BANP: variants seen among roughly 807,000 people sequenced by gnomAD.
BANP encodes the protein protein BANP.
A neutral mutation model predicts 68.1 loss-of-function variants in BANP; 11 were observed. The ratio of observed to expected loss-of-function variants is 0.16; its 90% CI spans 0.10 to 0.27. BANP has a LOEUF of 0.27. Ranked by LOEUF, BANP falls within the 10% of genes least tolerant of loss-of-function variation. The pLI, the probability that BANP is intolerant of heterozygous loss-of-function variation, is 1.00. For synonymous variants in BANP, 329 were observed against 303.2 expected, an observed-to-expected ratio of 1.09 and a Z score of -0.88; for missense variants, 504 against 722.7, an observed-to-expected ratio of 0.70 and a Z score of 3.47.
intron 1 of BANP, among the ~76,000 whole-genome samples, chr16:87,954,144 C>T (rs1266338309): frequency 1.3e-5 from 2 of 152,142 alleles, no homozygotes; most frequent in Non-Finnish European, 2.9e-5. Context: ...GATGGACGTT[C>T]TAGGTGGAGC....
chr16:88,033,290 G>A (rs1468312154), intron 9 of BANP, 45 bp downstream of exon 9: 2 of 1,488,332 alleles, frequency 1.3e-6, no homozygotes, highest in Admixed American at 4.2e-5. Context: ...GGGGCTGCGG[G>A]GTGGGCCACG....
At chr16:88,013,225 C>T (rs1349550814) in intron 6 of BANP, among the ~76,000 whole-genome samples, 1 of 152,278 alleles carries the variant, frequency 6.6e-6, no homozygotes, top group Non-Finnish European at 1.5e-5. Context: ...CTGGAGACGT[C>T]TGAGCGCCTC....
chr16:88,029,262 A>C (rs186662630), intron 8 of BANP, among the ~76,000 whole-genome samples: 1 of 137,666 alleles, frequency 7.3e-6, no homozygotes, highest in Admixed American at 8.1e-5. Flanking sequence ...AGCTGAGACT[A>C]TGCCACCACA....
intron 2 of BANP, among the ~76,000 whole-genome samples, chr16:87,977,336 G>C (rs1215737398): frequency 2.0e-5 from 3 of 151,968 alleles, no homozygotes; most frequent in Non-Finnish European, 4.4e-5. Context: ...GGAGAATGGC[G>C]TGAACCCGGG....
Position 88,059,191 on chromosome 16 carries a change from A to G in BANP, c.1312-6076A>G, listed in dbSNP as rs987379377. 4.8e-5 allele frequency among the ~76,000 whole-genome samples: 6 copies of G among 125,772 alleles called. No homozygotes were observed. The South Asian group carries it at 8.8e-4, about 18-fold the overall frequency. 82.5% of individuals were successfully genotyped at this position (125,772 alleles called of 152,430 possible). A position where few individuals can be genotyped will look rare whatever the true frequency, so the allele number is the denominator to read the frequency against. On this transcript the variant is annotated intron_variant, in intron 11 of 13. Transcript: ENST00000682872. ...TCCATGCTCCTGCTGGTGGCGGGGC[A>G]TGACCTTGAGGAGAGTAGGGATGCT...
chr16:88,030,061 G>T (rs575272331), intron 8 of BANP, among the ~76,000 whole-genome samples: 2 of 152,236 alleles, frequency 1.3e-5, no homozygotes, highest in Non-Finnish European at 2.9e-5. Context: ...CCTACTGGCA[G>T]GCTAAACTAT....
intron 3 of BANP, among the ~76,000 whole-genome samples, chr16:87,981,358 G>A (rs1481020624): frequency 6.6e-6 from 1 of 152,186 alleles, no homozygotes; most frequent in Non-Finnish European, 1.5e-5. Context: ...AGCTTGTGGG[G>A]CTCCTTCCAG....
chr16:88,075,822 C>CT (rs1268534543), intron 13 of BANP, among the ~76,000 whole-genome samples: 2 of 149,708 alleles, frequency 1.3e-5, no homozygotes, highest in Non-Finnish European at 3.0e-5. Flanking sequence ...TCTCGACTCA[C>CT]TGCAACCTCT....
chr16:88,074,438 G>A (rs1046429108), intron 13 of BANP, among the ~76,000 whole-genome samples: 7 of 152,240 alleles, frequency 4.6e-5, no homozygotes, highest in Admixed American at 3.9e-4. Context: ...GAGGGTAGGG[G>A]GGTGCCATTT....
At chr16:87,996,855 C>T (rs1166320370) in intron 4 of BANP, among the ~76,000 whole-genome samples, 3 of 152,212 alleles carry the variant, frequency 2.0e-5, no homozygotes, top group Admixed American at 2.0e-4. Context: ...TCTGTGAAAA[C>T]AGTTTAAATA....
At chr16:87,977,072 CTG>C (rs2062292179) in intron 2 of BANP, among the ~76,000 whole-genome samples, 2 of 152,168 alleles carry the variant, frequency 1.3e-5, no homozygotes, top group South Asian at 4.1e-4. Flanking sequence ...TGTTCCAACT[CTG>C]TTCCTTAAAT....
chr16:88,009,240 G>T (rs946471117), intron 6 of BANP, among the ~76,000 whole-genome samples: 5 of 152,186 alleles, frequency 3.3e-5, no homozygotes, highest in African/African-American at 1.2e-4. Flanking sequence ...GTGAATCAGC[G>T]AGTTTCTACG....
chr16:88,069,067 G>T (rs537634164), intron 12 of BANP, among the ~76,000 whole-genome samples: 47 of 152,066 alleles, frequency 3.1e-4, no homozygotes, highest in African/African-American at 1.1e-3. Flanking sequence ...GGGCGCTCCA[G>T]TGGGCTTGCC....
At chr16:88,066,911 G>T (rs914793753) in intron 12 of BANP, among the ~76,000 whole-genome samples, 2 of 152,246 alleles carry the variant, frequency 1.3e-5, no homozygotes, top group Non-Finnish European at 2.9e-5. Context: ...GCTGTGCGAG[G>T]CTGGGTGACT....
At chr16:87,999,326 C>A (rs2068406354) in intron 4 of BANP, among the ~76,000 whole-genome samples, 1 of 145,700 alleles carries the variant, frequency 6.9e-6, no homozygotes, top group Non-Finnish European at 1.5e-5. Context: ...AGACACGTCT[C>A]CATGCACGCA....
Position 88,039,720 on chromosome 16 carries a change from C to T in BANP, c.1311+1709C>T, listed in dbSNP as rs995097786. 2.2e-4 allele frequency among the ~76,000 whole-genome samples: 31 copies of T among 142,888 alleles called. 6 individuals are homozygous for T. The highest frequency in any genetic ancestry group is 4.9e-4 in the Admixed American group (7 of 14,146). The allele number at this position is 142,888 out of a possible 152,430, so 93.7% of individuals were successfully genotyped here. Reference sequence around the variant, plus strand: ...GCATGGAGGCCCGTTGGCTCCAGCACAGATCTGAGTTCAGGAAGGACTCGG... The same window carrying T: ...GCATGGAGGCCCGTTGGCTCCAGCATAGATCTGAGTTCAGGAAGGACTCGG... On this transcript the variant is annotated intron_variant, in intron 11 of 13. Coordinates refer to ENST00000682872, the MANE Select transcript of BANP (RefSeq NM_001386991.1).
At chr16:88,039,544 T>A (rs1176003728) in intron 11 of BANP, among the ~76,000 whole-genome samples, 2 of 143,514 alleles carry the variant, frequency 1.4e-5, no homozygotes, top group Non-Finnish European at 3.2e-5. Context: ...ATTCCCTTGT[T>A]CCTGTCTCTA....
intron 5 of BANP, among the ~76,000 whole-genome samples, chr16:88,005,566 A>G (rs1462696017): frequency 6.6e-6 from 1 of 152,060 alleles, no homozygotes; most frequent in Non-Finnish European, 1.5e-5. Context: ...AGCCCTTGGG[A>G]TGATGGCAGC....
intron 12 of BANP, among the ~76,000 whole-genome samples, chr16:88,069,142 G>C (rs572026802): frequency 6.6e-6 from 1 of 152,150 alleles, no homozygotes; most frequent in Non-Finnish European, 1.5e-5. Flanking sequence ...TGAATGGCGC[G>C]CTGTCGCTGC....
Sources: allele counts gnomAD v4.1 joint callset (sites outside exome capture counted in the v4.1 genomes callset), GRCh38; gene constraint gnomAD v4.1.1; transcripts MANE v1.5; gene names NCBI Gene and HGNC (gene_info 2026-07-23, HGNC 2026-07-21).